The following STAT5B variants were observed in gnomAD, a reference collection of about 807,000 sequenced individuals.
STAT5B encodes signal transducer and activator of transcription 5B.
Under a neutral mutation model 107.8 loss-of-function variants are expected in STAT5B, and 21 were observed. The ratio of observed to expected loss-of-function variants is 0.19; its 90% CI spans 0.14 to 0.28. The LOEUF is 0.28. Among genes scored for constraint, STAT5B ranks in the 10% least tolerant of loss-of-function variants. STAT5B has a pLI of 1.00. For missense variants in STAT5B, 565 were observed against 1,008.2 expected, an observed-to-expected ratio of 0.56 and a Z score of 5.95; for synonymous variants, 325 against 401.7, an observed-to-expected ratio of 0.81 and a Z score of 2.28.
intron 5 of STAT5B, 61 bp downstream of exon 5, chr17:42,223,321 C>G: frequency 2.5e-6 from 4 of 1,612,504 alleles, no homozygotes; most frequent in Non-Finnish European, 3.4e-6. Context: ...CCCACCAGAG[C>G]TGCTTTCCAG....
chr17:42,263,871 G>GCACA (rs3222522), intron 1 of STAT5B, among the ~76,000 whole-genome samples: 10,659 of 144,900 alleles, frequency 0.074, 387 homozygotes, highest in South Asian at 0.089. Flanking sequence ...TAGAAAGCGC[G>GCACA]CACACACACA....
At chr17:42,208,954 C>T (rs1280289083) in intron 15 of STAT5B, among the ~76,000 whole-genome samples, 1 of 151,902 alleles carries the variant, frequency 6.6e-6, no homozygotes, top group Non-Finnish European at 1.5e-5. Context: ...AGGATGGTCT[C>T]GATCTCCTGA....
At chr17:42,202,836 A>G in intron 16 of STAT5B, 28 bp from the exon 17 acceptor site, 1 of 1,614,212 alleles carries the variant, frequency 6.2e-7, no homozygotes. Flanking sequence ...TAGTAAATCA[A>G]AGTTCTCAAG....
chr17:42,208,746 T>C (rs2080105405), intron 15 of STAT5B, among the ~76,000 whole-genome samples: 1 of 151,952 alleles, frequency 6.6e-6, no homozygotes, highest in South Asian at 2.1e-4. Flanking sequence ...ATTTTTTTTT[T>C]TTCGAGATGG....
intron 1 of STAT5B, among the ~76,000 whole-genome samples, chr17:42,266,977 C>T (rs958580144): frequency 6.6e-6 from 1 of 152,106 alleles, no homozygotes; most frequent in Non-Finnish European, 1.5e-5. Context: ...AGTCAGGCAC[C>T]ACATAATGAC....
chr17:42,218,407 G>A lies in STAT5B; in HGVS notation c.990-77C>T, dbSNP rs1363164281. The A allele has an allele frequency of 6.4e-6, 10 of 1,565,938 alleles. No homozygotes were observed. The East Asian group carries it at 2.0e-4, about 32-fold the overall frequency. On this transcript the variant is annotated intron_variant, in intron 8 of 18. Coordinates refer to ENST00000293328, the MANE Select transcript of STAT5B (RefSeq NM_012448.4). ...GGGCTCTCAGTCCCTCTGTGGTGGG[G>A]GTGGGGCTGCCTCCCGAGGGGCTCA...
In STAT5B at chr17:42,207,657, A is replaced by G; in HGVS notation, c.1978T>C (p.Leu660=). 6.2e-7 allele frequency: 1 copy of G among 1,614,196 alleles called. No homozygotes were observed. The highest frequency in any genetic ancestry group is 1.3e-5 in the African/African-American group (1 of 75,046). ...DFSIRSLADR[L]GDLNYLIYVF... is the part of the protein sequence containing the mutation. ...TAGATAAGGTAATTCAAGTCTCCCA[A>G]GCGGTCGGCTAGGGACCGAATGGAG... is the stretch of plus-strand genomic sequence containing the variant. The change falls in exon 16 of 19, where the codon TTG becomes CTG. Residue 660 remains leucine (L), a synonymous_variant. Coordinates refer to ENST00000293328, the MANE Select transcript of STAT5B (RefSeq NM_012448.4).
chr17:42,271,859 A>G (rs2080724428), intron 1 of STAT5B: 1 of 152,190 alleles, frequency 6.6e-6, no homozygotes, highest in Non-Finnish European at 1.5e-5. Context: ...AAGTCAAGAT[A>G]CTCCAAGTAT....
In STAT5B at chr17:42,200,916, G is replaced by T; in HGVS notation, c.*822C>A. 1 of 396,342 alleles carries T rather than the reference G, an allele frequency of 2.5e-6. No homozygotes were observed. Among genetic ancestry groups the T allele is most frequent in the Non-Finnish European group, 4.4e-6 (1 of 225,160 alleles). 24.6% of individuals were successfully genotyped at this position (396,342 alleles called of 1,614,324 possible). ...AGTCAGGGCTGCGCACTCCACTCTG[G>T]CCAGAACACAAACGGCATTGGCACT... On this transcript the variant is annotated 3_prime_UTR_variant, in exon 19 of 19. Transcript: ENST00000293328.
chr17:42,262,025 T>C (rs1404905030), intron 1 of STAT5B, among the ~76,000 whole-genome samples: 1 of 152,186 alleles, frequency 6.6e-6, no homozygotes, highest in Non-Finnish European at 1.5e-5. Context: ...CTTAATTAAA[T>C]TTTACATGAA....
intron 1 of STAT5B, among the ~76,000 whole-genome samples, chr17:42,244,254 A>ATTT (rs556581450): frequency 2.6e-4 from 34 of 132,066 alleles, no homozygotes; most frequent in African/African-American, 9.1e-4. Context: ...TGCCCGGCTA[A>ATTT]TTTTTTTTTT....
rs867872574 is a variant in STAT5B, at chr17:42,210,918, T to C, written c.1681-421A>G. Among the ~76,000 whole-genome samples, 143 of 152,248 alleles carry C rather than the reference T, an allele frequency of 9.4e-4. 1 individual carries two copies. The highest frequency in any genetic ancestry group is 3.1e-3 in the African/African-American group (130 of 41,556). ...AAAAATTAAATTCAAATCAAGGTGATAGCCGGGCATGGTGGCTCACGTCTG... is the reference window on the plus strand; with the variant it reads ...AAAAATTAAATTCAAATCAAGGTGACAGCCGGGCATGGTGGCTCACGTCTG... On this transcript the variant is annotated intron_variant, in intron 13 of 18. Coordinates refer to ENST00000293328, the MANE Select transcript of STAT5B (RefSeq NM_012448.4).
the STAT5B span, among the ~76,000 whole-genome samples, chr17:42,283,095 C>G: frequency 0.098 from 14,858 of 152,246 alleles, 2,412 homozygotes; most frequent in African/African-American, 0.34. Context: ...GATGCTCAGC[C>G]CCCTCGCACA....
At chr17:42,266,629 C>T (rs560021929) in intron 1 of STAT5B, among the ~76,000 whole-genome samples, 1 of 151,060 alleles carries the variant, frequency 6.6e-6, no homozygotes, top group South Asian at 2.1e-4. Flanking sequence ...AATCCCAATA[C>T]TGTGGAAGGT....
chr17:42,239,943 T>C (rs964082291), intron 1 of STAT5B, among the ~76,000 whole-genome samples: 1 of 152,070 alleles, frequency 6.6e-6, no homozygotes, highest in African/African-American at 2.4e-5. Context: ...CTGGCCAACA[T>C]GGCGAAACCC....
intron 5 of STAT5B, among the ~76,000 whole-genome samples, chr17:42,221,248 T>G (rs2080223827): frequency 6.6e-6 from 1 of 152,158 alleles, no homozygotes. Flanking sequence ...CACGGCTACC[T>G]CAGGAATCCT....
intron 1 of STAT5B, among the ~76,000 whole-genome samples, chr17:42,262,181 G>A (rs1262678344): frequency 4.6e-5 from 7 of 151,466 alleles, no homozygotes; most frequent in Admixed American, 2.6e-4. Flanking sequence ...TTTATTCTGA[G>A]ACAGGGTCTT....
intron 1 of STAT5B, chr17:42,270,402 A>T (rs925448384): frequency 6.6e-6 from 1 of 152,190 alleles, no homozygotes; most frequent in African/African-American, 2.4e-5. Flanking sequence ...AACCCACTAC[A>T]TTGGCACAAA....
chr17:42,270,398 C>T (rs1198370680), intron 1 of STAT5B: 1 of 152,132 alleles, frequency 6.6e-6, no homozygotes, highest in African/African-American at 2.4e-5. Flanking sequence ...CACAAACCCA[C>T]TACATTGGCA....
Sources: gnomAD v4.1 joint callset for allele counts (sites outside exome capture counted in the v4.1 genomes callset) on GRCh38, gnomAD v4.1.1 for gene constraint, MANE v1.5 for transcripts, NCBI Gene and HGNC (gene_info 2026-07-23, HGNC 2026-07-21) for gene names.